Variants in TAPBP observed in about 807,000 individuals in gnomAD.
TAPBP encodes tapasin.
In TAPBP, 38 loss-of-function variants were observed where a neutral mutation model predicts 45.7. The observed-to-expected ratio is 0.83, with a 90% confidence interval of 0.64 to 1.09. TAPBP has a LOEUF of 1.09. Ranked by LOEUF, TAPBP falls within the 50% of genes least tolerant of loss-of-function variation. The probability of loss-of-function intolerance (pLI) is 0.00; values close to 1 mark genes in which losing one functional copy is unlikely to be tolerated. For synonymous variants in TAPBP, 226 were observed against 254.8 expected (o/e 0.89, Z 1.08); for missense variants, 513 against 587.3 (o/e 0.87, Z 1.31).
chr6:33,302,833 G>T (rs994739875), intron 7 of TAPBP, among the ~76,000 whole-genome samples: 1 of 151,464 alleles, frequency 6.6e-6, no homozygotes, highest in Non-Finnish European at 1.5e-5. Flanking sequence ...AGTAGAGATG[G>T]GGTTTCATCA....
intron 7 of TAPBP, 79 bp from the exon 8 acceptor site, chr6:33,301,850 A>G: frequency 6.2e-7 from 1 of 1,604,054 alleles, no homozygotes. Context: ...AGAGACATAT[A>G]AACTATCATG....
chr6:33,303,480 T>G, intron 7 of TAPBP: 1 of 438,756 alleles, frequency 2.3e-6, no homozygotes, highest in Non-Finnish European at 4.1e-6. Flanking sequence ...ACATAAATGA[T>G]TTCTGTGTTT....
chr6:33,301,705 A>G lies in TAPBP; in HGVS notation c.*55T>C. ...TAGGGTATTATTTTAGGGAGCTACT[A>G]CAGAAGCTTGGGCCAGAGATGATGG... On this transcript the variant is annotated 3_prime_UTR_variant, in exon 8 of 8. Coordinates refer to ENST00000434618, the MANE Select transcript of TAPBP (RefSeq NM_003190.5). 5 of 1,520,812 alleles carry G rather than the reference A, an allele frequency of 3.3e-6. No homozygotes were observed. Among genetic ancestry groups the G allele is most frequent in the Non-Finnish European group, 4.6e-6 (5 of 1,095,772 alleles). The allele number at this position is 1,520,812 out of a possible 1,614,324, so 94.2% of individuals were successfully genotyped here.
rs1470850096 is a variant in TAPBP, at chr6:33,313,970, T to C, written c.37+35A>G. 2 of 1,613,798 alleles carry C rather than the reference T, an allele frequency of 1.2e-6. No individual in the cohort carries two copies. The highest frequency in any genetic ancestry group is 1.7e-6 in the Non-Finnish European group (2 of 1,179,978). The stretch of plus-strand genomic sequence containing the variant: ...GGGGCCACCTCCCTCCGCTTCCCTC[T>C]AGTTCTTGGGCGATGAGTCGCGGGG... On this transcript the variant is annotated intron_variant, in intron 1 of 7. Transcript: ENST00000434618. This position sits in a 1 kb window ranked among gnomAD's most constrained non-coding sequence, Gnocchi z 7.2.
In TAPBP at chr6:33,314,049, C is replaced by G. The variant is rs766405299; in HGVS notation, c.-8G>C. ...CAGAGACAGGGACTTCATGGCGCTG[C>G]GACCTCCTCAGCCATGAAGCCTCCT... On this transcript the variant is annotated 5_prime_UTR_variant, in exon 1 of 8. Coordinates refer to ENST00000434618, the MANE Select transcript of TAPBP (RefSeq NM_003190.5). 18 of 1,613,722 alleles carry G rather than the reference C, an allele frequency of 1.1e-5. No individual in the cohort carries two copies. Among genetic ancestry groups the G allele is most frequent in the African/African-American group, 4.0e-5 (3 of 74,916 alleles).
At position 33,300,806 on chromosome 6, in the gene TAPBP, A is replaced by C. The variant is rs564981791; in HGVS notation, c.*954T>G. On this transcript the variant is annotated 3_prime_UTR_variant, in exon 8 of 8. Transcript: ENST00000434618. ...CGGTGAAACCCCGTCTCTACTAAAA[A>C]ATACAAAATATTAGCCAGGCATGGT... 81 of 152,082 alleles carry C rather than the reference A, an allele frequency of 5.3e-4. No homozygotes were observed. Among genetic ancestry groups the C allele is most frequent in the African/African-American group, 1.9e-3 (79 of 41,448 alleles). The allele number at this position is 152,082 out of a possible 1,614,324, so 9.4% of individuals were successfully genotyped here. A position where few individuals can be genotyped will look rare whatever the true frequency, so the allele number is the denominator to read the frequency against.
chr6:33,300,960 C>G lies in TAPBP; in HGVS notation c.*800G>C, dbSNP rs3130259. 1 of 140,226 alleles carries G rather than the reference C, an allele frequency of 7.1e-6. No individual in the cohort carries two copies. The highest frequency in any genetic ancestry group is 1.5e-5 in the Non-Finnish European group (1 of 66,508). 8.7% of individuals were successfully genotyped at this position (140,226 alleles called of 1,614,324 possible). ...CAGCCTGGGCGACAGAGCGAGACTC[C>G]GTCTCAAAAAAAAAAAAAAAAAAGT... On this transcript the variant is annotated 3_prime_UTR_variant, in exon 8 of 8. Coordinates refer to ENST00000434618, the MANE Select transcript of TAPBP (RefSeq NM_003190.5).
chr6:33,302,323 T>A (rs1421539814), intron 7 of TAPBP, among the ~76,000 whole-genome samples: 1 of 151,584 alleles, frequency 6.6e-6, no homozygotes, highest in East Asian at 1.9e-4. Context: ...TTTGTTTTGT[T>A]TTGTTTTGTT....
chr6:33,303,505 TC>T (rs1224407147), intron 7 of TAPBP: 1 of 506,598 alleles, frequency 2.0e-6, no homozygotes, highest in East Asian at 3.4e-5. Context: ...TTGGGTCTGA[TC>T]CCAAAGATAT....
rs978375871 is a variant in TAPBP at position 33,313,907 on chromosome 6, G to A, written c.38-43C>T. On this transcript the variant is annotated intron_variant, in intron 1 of 7. Coordinates refer to ENST00000434618, the MANE Select transcript of TAPBP (RefSeq NM_003190.5). The surrounding 1 kb of genome is among the most constrained non-coding windows in gnomAD (Gnocchi z 7.2). ...GAGTGAGGAGCGGTTTGTATGTCTG[G>A]TGACCTGCCCCACTCCCACCCTGGC... The A allele has an allele frequency of 3.7e-6, 6 of 1,612,718 alleles. No individual in the cohort carries two copies. The highest frequency in any genetic ancestry group is 3.3e-5 in the Admixed American group (2 of 59,986).
rs1768880532 is a variant in TAPBP at position 33,305,119 on chromosome 6, T to A, written c.738A>T (p.Pro246=). The A allele has an allele frequency of 6.2e-7, 1 of 1,614,160 alleles. No individual in the cohort carries two copies. The highest frequency in any genetic ancestry group is 8.5e-7 in the Non-Finnish European group (1 of 1,180,034). Residue 246 remains proline, a synonymous_variant, in exon 4 of 8, where the codon CCA becomes CCT. Transcript: ENST00000434618. The surrounding 1 kb of genome is among the most constrained non-coding windows in gnomAD (Gnocchi z 4.4). ...VAFAAWDDDE[P]WGPWTGNGTF... ...TCCCATTTCCGGTCCATGGGCCCCA[T>A]GGCTCATCATCATCCCAAGCAGCAA...
At chr6:33,304,923 C>T (rs758519359) in intron 4 of TAPBP, 66 bp downstream of exon 4, 1 of 1,582,882 alleles carries the variant, frequency 6.3e-7, no homozygotes, top group Non-Finnish European at 8.6e-7. Flanking sequence ...CATCCCTCCC[C>T]CTATTACGGT....
intron 4 of TAPBP, 42 bp from the exon 5 acceptor site, chr6:33,304,680 T>TTCTG: frequency 1.3e-6 from 2 of 1,512,572 alleles, no homozygotes; most frequent in Non-Finnish European, 1.8e-6. Flanking sequence ...AATCAGTCCA[T>TTCTG]ACTGTCCTCC....
At chr6:33,302,063 G>C (rs1768624550) in intron 7 of TAPBP, among the ~76,000 whole-genome samples, 1 of 151,960 alleles carries the variant, frequency 6.6e-6, no homozygotes, top group Non-Finnish European at 1.5e-5. Context: ...TCCGAATTGA[G>C]ATGTGCTGAC....
chr6:33,310,558 T>TG (rs1190186884), intron 3 of TAPBP, among the ~76,000 whole-genome samples: 2 of 141,174 alleles, frequency 1.4e-5, no homozygotes, highest in Non-Finnish European at 3.0e-5. Context: ...AGCTCACACG[T>TG]GTAATCCCAG....
Position 33,304,506 on chromosome 6 carries a change from C to A in TAPBP, c.1001G>T (p.Gly334Val). The A allele has an allele frequency of 1.2e-5, 19 of 1,613,274 alleles. No individual in the cohort carries two copies. Among genetic ancestry groups the A allele is most frequent in the Non-Finnish European group, 1.6e-5 (19 of 1,179,844 alleles). ...GGLEVEWELR[G>V]GPGGRSQKAE... ...CTTCTGAGAGCGGCCCCCTGGGCCACCCCGGAGTTCCCACTCCACCTCCAG... is the reference window on the plus strand; with the variant it reads ...CTTCTGAGAGCGGCCCCCTGGGCCAACCCGGAGTTCCCACTCCACCTCCAG... Residue 334 changes from glycine (G) to valine (V), a missense_variant, in exon 5 of 8, where the codon GGT (glycine) becomes GTT (valine). By Grantham distance (109) the Gly-to-Val change is moderately radical. Transcript: ENST00000434618.
Position 33,313,626 on chromosome 6 carries a change from A to C in TAPBP, c.208+68T>G. On this transcript the variant is annotated intron_variant, in intron 2 of 7. Transcript: ENST00000434618. The surrounding 1 kb of genome is among the most constrained non-coding windows in gnomAD (Gnocchi z 7.2). ...AGCTGAGGCCTGAGGTCACTGCCGG[A>C]TCTAAAGAGGAGGGGGTTTCGGTGG... The C allele has an allele frequency of 6.4e-7, 1 of 1,568,800 alleles. No individual in the cohort carries two copies. The highest frequency in any genetic ancestry group is 8.7e-7 in the Non-Finnish European group (1 of 1,154,746).
chr6:33,313,807 TC>T lies in TAPBP; in HGVS notation c.94del (p.Asp32MetfsTer62), dbSNP rs775906895. 5.6e-6 allele frequency: 9 copies of T among 1,613,416 alleles called. No homozygotes were observed. Among genetic ancestry groups the T allele is most frequent in the Non-Finnish European group, 7.6e-6 (9 of 1,179,964 alleles). ...PAVIECWFVE[D>X]ASGKGLAKRP... ...CTTGGCCAGGCCCTTTCCGCTCGCA[TC>T]CTCCACGAACCAACACTCGATCACC... On this transcript the variant is annotated frameshift_variant, in exon 2 of 8. Coordinates refer to ENST00000434618, the MANE Select transcript of TAPBP (RefSeq NM_003190.5). LOFTEE classifies it high-confidence loss of function. This position sits in a 1 kb window ranked among gnomAD's most constrained non-coding sequence, Gnocchi z 7.2.
Position 33,304,636 on chromosome 6 carries a change from G to C in TAPBP, c.871C>G (p.Pro291Ala). 6.4e-7 allele frequency: 1 copy of C among 1,565,086 alleles called. No homozygotes were observed. Among genetic ancestry groups the C allele is most frequent in the African/African-American group, 1.4e-5 (1 of 73,842 alleles). Reference sequence around the variant, plus strand: ...GCTGGCATCAGGGACACTTTGGGGGGTTCTGGGGAAAGAGGACGAAATGAG... The same window carrying C: ...GCTGGCATCAGGGACACTTTGGGGGCTTCTGGGGAAAGAGGACGAAATGAG... ...QVTLELAVYK[P>A]PKVSLMPATL... Residue 291 changes from proline (P) to alanine (A), a missense_variant and splice_region_variant, in exon 5 of 8, where the codon CCC (proline) becomes GCC (alanine). Transcript: ENST00000434618.
Sources: allele counts gnomAD v4.1 joint callset (sites outside exome capture counted in the v4.1 genomes callset), GRCh38; gene constraint gnomAD v4.1.1; non-coding constraint Gnocchi (gnomAD v3.1); transcripts MANE v1.5; gene names NCBI Gene and HGNC (gene_info 2026-07-23, HGNC 2026-07-21).